The following MACROD2 variants were observed in gnomAD, a reference collection of about 807,000 sequenced individuals.
The protein encoded by MACROD2 is ADP-ribose glycohydrolase MACROD2.
MACROD2 carries 36 observed loss-of-function variants against 70.4 expected under a neutral mutation model. The observed-to-expected ratio is 0.51, with a 90% confidence interval of 0.39 to 0.68. The LOEUF (loss-of-function observed/expected upper bound fraction) is 0.68. Among genes scored for constraint, MACROD2 ranks in the 30% least tolerant of loss-of-function variants. MACROD2 has a pLI of 0.00. For synonymous variants in MACROD2, 172 were observed against 178.8 expected, an observed-to-expected ratio of 0.96 and a Z score of 0.30; for missense variants, 496 against 538.4, an observed-to-expected ratio of 0.92 and a Z score of 0.78.
intron 5 of MACROD2, among the ~76,000 whole-genome samples, chr20:15,174,441 G>A (rs2076444693): frequency 6.6e-6 from 1 of 152,136 alleles, no homozygotes; most frequent in African/African-American, 2.4e-5. Flanking sequence ...CTTTGCTATT[G>A]TGAATAGTGC....
intron 15 of MACROD2, among the ~76,000 whole-genome samples, chr20:16,004,665 C>T (rs1368307330): frequency 6.6e-6 from 1 of 152,250 alleles, no homozygotes; most frequent in Non-Finnish European, 1.5e-5. Context: ...CGGCCCCTGT[C>T]AGCAGCCAAC....
At chr20:15,444,916 C>A (rs1002296717) in intron 7 of MACROD2, among the ~76,000 whole-genome samples, 3 of 151,630 alleles carry the variant, frequency 2.0e-5, no homozygotes, top group Non-Finnish European at 4.4e-5. Flanking sequence ...CATTAAAATG[C>A]TTATCATAGT....
intron 2 of MACROD2, among the ~76,000 whole-genome samples, chr20:14,080,093 A>G (rs998381795): frequency 6.6e-6 from 1 of 152,076 alleles, no homozygotes. Flanking sequence ...TATAGTTCTT[A>G]TAGGAAAAAT....
chr20:15,735,398 A>G (rs1209451591), intron 8 of MACROD2, among the ~76,000 whole-genome samples: 3 of 152,234 alleles, frequency 2.0e-5, no homozygotes, highest in Non-Finnish European at 2.9e-5. Flanking sequence ...ATAAGGACTA[A>G]AATCCCTTTA....
At chr20:14,896,534 G>T (rs2073832010) in intron 5 of MACROD2, among the ~76,000 whole-genome samples, 1 of 151,994 alleles carries the variant, frequency 6.6e-6, no homozygotes, top group African/African-American at 2.4e-5. Flanking sequence ...CATGAACTCA[G>T]ACCTTTTCTC....
intron 5 of MACROD2, among the ~76,000 whole-genome samples, chr20:15,015,285 G>A (rs1001872277): frequency 6.6e-6 from 1 of 151,990 alleles, no homozygotes; most frequent in Non-Finnish European, 1.5e-5. Flanking sequence ...TATTATTCAA[G>A]AGTCACAAAA....
chr20:16,000,509 G>T (rs1217188474), intron 15 of MACROD2, among the ~76,000 whole-genome samples: 1 of 152,172 alleles, frequency 6.6e-6, no homozygotes, highest in Admixed American at 6.5e-5. Flanking sequence ...GTACTCAGAA[G>T]CCTATTACCT....
rs1010049487 is a variant in MACROD2, at chr20:14,614,898, A to G, written c.302-69945A>G. On this transcript the variant is annotated intron_variant, in intron 4 of 17. Coordinates refer to ENST00000684519, the MANE Select transcript of MACROD2 (RefSeq NM_001351661.2). ...ATAGAAGGGAAACTAACCATGTATAAGTGCTGTGTTACAATTTAGGTTCCC... is the reference window on the plus strand; with the variant it reads ...ATAGAAGGGAAACTAACCATGTATAGGTGCTGTGTTACAATTTAGGTTCCC... 2.0e-5 allele frequency among the ~76,000 whole-genome samples: 3 copies of G among 152,264 alleles called. No individual in the cohort carries two copies. The Middle Eastern group carries it at 0.01, about 518-fold the overall frequency.
chr20:15,988,307 CA>C (rs147685426), intron 15 of MACROD2, among the ~76,000 whole-genome samples: 12,103 of 152,126 alleles, frequency 0.08, 639 homozygotes, highest in Non-Finnish European at 0.12. Context: ...AGAATTGAAA[CA>C]ACCCTTACTC....
intron 4 of MACROD2, among the ~76,000 whole-genome samples, chr20:14,511,492 T>C (rs1436554947): frequency 6.6e-6 from 1 of 152,132 alleles, no homozygotes; most frequent in Admixed American, 6.6e-5. Flanking sequence ...GTTCAGCTAA[T>C]ATCTGTGATC....
At chr20:14,395,236 TG>T (rs1169418518) in intron 3 of MACROD2, among the ~76,000 whole-genome samples, 1 of 152,084 alleles carries the variant, frequency 6.6e-6, no homozygotes, top group Non-Finnish European at 1.5e-5. Context: ...ATTATTAGTT[TG>T]TTTTTTGTGG....
intron 6 of MACROD2, among the ~76,000 whole-genome samples, chr20:15,351,282 A>C (rs1031247964): frequency 3.2e-4 from 49 of 152,356 alleles, no homozygotes; most frequent in African/African-American, 1.1e-3. Flanking sequence ...CTAGTTTTAG[A>C]GACAGATAAA....
intron 5 of MACROD2, among the ~76,000 whole-genome samples, chr20:15,184,593 AAG>A (rs1487266493): frequency 1.3e-5 from 2 of 152,172 alleles, no homozygotes; most frequent in Non-Finnish European, 2.9e-5. Flanking sequence ...ATGTGGACAA[AAG>A]AGAGAAAATA....
chr20:14,566,295 C>T (rs892653432), intron 4 of MACROD2, among the ~76,000 whole-genome samples: 8 of 151,810 alleles, frequency 5.3e-5, no homozygotes, highest in African/African-American at 1.9e-4. Flanking sequence ...CAGAGAAATT[C>T]GTATTTCTGT....
At chr20:14,121,369 T>C (rs1601247229) in intron 3 of MACROD2, among the ~76,000 whole-genome samples, 1 of 152,300 alleles carries the variant, frequency 6.6e-6, no homozygotes, top group East Asian at 1.9e-4. Context: ...TAGGACCCTA[T>C]TTCCTGTTAC....
chr20:15,524,920 C>T (rs1043256218), intron 8 of MACROD2, among the ~76,000 whole-genome samples: 5 of 152,210 alleles, frequency 3.3e-5, no homozygotes, highest in Admixed American at 6.5e-5. Context: ...TGAGGTTCTA[C>T]TGAATAGTCC....
chr20:15,088,781 A>T (rs2075772237), intron 5 of MACROD2, among the ~76,000 whole-genome samples: 1 of 151,880 alleles, frequency 6.6e-6, no homozygotes, highest in South Asian at 2.1e-4. Context: ...GTAATCTTCT[A>T]TGTATGTGCA....
At chr20:15,581,054 T>C (rs997989820) in intron 8 of MACROD2, among the ~76,000 whole-genome samples, 1 of 152,168 alleles carries the variant, frequency 6.6e-6, no homozygotes, top group Non-Finnish European at 1.5e-5. Context: ...TGTTTTCTTC[T>C]TTGGCAGGTC....
intron 5 of MACROD2, among the ~76,000 whole-genome samples, chr20:14,790,937 AAGAG>A (rs1352791427): frequency 6.6e-6 from 1 of 151,964 alleles, no homozygotes; most frequent in Non-Finnish European, 1.5e-5. Flanking sequence ...GGCAGAGAAA[AAGAG>A]AGACCTAAGT....
Sources: gnomAD v4.1 joint callset for allele counts (sites outside exome capture counted in the v4.1 genomes callset) on GRCh38, gnomAD v4.1.1 for gene constraint, MANE v1.5 for transcripts, NCBI Gene and HGNC (gene_info 2026-07-23, HGNC 2026-07-21) for gene names.